Variants in GRID1 observed in about 807,000 individuals in gnomAD.
The protein encoded by GRID1 is glutamate receptor ionotropic, delta-1.
A neutral mutation model predicts 98.0 loss-of-function variants in GRID1; 28 were observed. The ratio of observed to expected loss-of-function variants is 0.29; its 90% CI spans 0.21 to 0.39. GRID1 has a LOEUF of 0.39. GRID1 is among the 10% of genes least tolerant of loss of function. The pLI, the probability that GRID1 is intolerant of heterozygous loss-of-function variation, is 1.00. For missense variants in GRID1, 1,111 were observed against 1,340.5 expected (o/e 0.83, Z 2.67); for synonymous variants, 553 against 538.5 (o/e 1.03, Z -0.37).
chr10:86,056,405 G>A (rs1843573198), intron 4 of GRID1, among the ~76,000 whole-genome samples: 1 of 152,198 alleles, frequency 6.6e-6, no homozygotes, highest in South Asian at 2.1e-4. Context: ...TTTTCCAGGT[G>A]TAATAAGAAC....
chr10:85,716,185 C>T (rs184277838), intron 12 of GRID1, among the ~76,000 whole-genome samples: 5 of 152,230 alleles, frequency 3.3e-5, no homozygotes, highest in East Asian at 3.9e-4. Context: ...CGATTACAGG[C>T]GTGAGACACT....
At chr10:86,262,593 T>A (rs1323331507) in intron 2 of GRID1, among the ~76,000 whole-genome samples, 1 of 152,196 alleles carries the variant, frequency 6.6e-6, no homozygotes. Context: ...GTTCTCTTAT[T>A]ACGTGCTCTG....
At chr10:86,313,686 T>C (rs561689208) in intron 2 of GRID1, among the ~76,000 whole-genome samples, 1 of 152,228 alleles carries the variant, frequency 6.6e-6, no homozygotes, top group South Asian at 2.1e-4. Context: ...AAAACCTCAA[T>C]GTCAAAGCCC....
intron 5 of GRID1, among the ~76,000 whole-genome samples, chr10:85,890,437 A>C (rs1841183805): frequency 6.6e-6 from 1 of 152,158 alleles, no homozygotes; most frequent in Non-Finnish European, 1.5e-5. Context: ...GTGTCAATTT[A>C]AAAAAAGAAA....
At chr10:85,726,929 G>T (rs1467966070) in intron 10 of GRID1, among the ~76,000 whole-genome samples, 1 of 152,200 alleles carries the variant, frequency 6.6e-6, no homozygotes, top group Non-Finnish European at 1.5e-5. Flanking sequence ...ATTTATCACA[G>T]TAAAGGTGTT....
intron 13 of GRID1, among the ~76,000 whole-genome samples, chr10:85,629,383 C>G (rs574477973): frequency 6.6e-6 from 1 of 151,786 alleles, no homozygotes; most frequent in East Asian, 1.9e-4. Context: ...ACCCCCATCC[C>G]ACCCTCCCAC....
chr10:85,867,491 A>G (rs1237182513), intron 6 of GRID1, among the ~76,000 whole-genome samples: 1 of 151,824 alleles, frequency 6.6e-6, no homozygotes, highest in Non-Finnish European at 1.5e-5. Flanking sequence ...ATGGGCACAC[A>G]CTCCCTGAGC....
At chr10:85,798,382 T>C (rs533329146) in intron 8 of GRID1, among the ~76,000 whole-genome samples, 39 of 152,336 alleles carry the variant, frequency 2.6e-4, no homozygotes, top group African/African-American at 9.1e-4. Context: ...AGAGAATATA[T>C]AGACAGTAGT....
chr10:85,841,612 T>C (rs1220729888), intron 8 of GRID1, among the ~76,000 whole-genome samples: 2 of 152,098 alleles, frequency 1.3e-5, no homozygotes, highest in African/African-American at 4.8e-5. Context: ...ATTTAGTATC[T>C]ATAAGGAACT....
chr10:86,159,475 C>T (rs1845290098), intron 3 of GRID1, among the ~76,000 whole-genome samples: 1 of 152,164 alleles, frequency 6.6e-6, no homozygotes, highest in South Asian at 2.1e-4. Context: ...ACATGCTGTG[C>T]AGGTTTGTAG....
At chr10:86,045,065 A>C (rs1843403189) in intron 4 of GRID1, among the ~76,000 whole-genome samples, 1 of 152,240 alleles carries the variant, frequency 6.6e-6, no homozygotes, top group Admixed American at 6.5e-5. Context: ...ATTTAGGGGA[A>C]ATTGTTCATA....
intron 15 of GRID1, among the ~76,000 whole-genome samples, chr10:85,603,256 G>T (rs1842608227): frequency 6.6e-6 from 1 of 152,240 alleles, no homozygotes; most frequent in Non-Finnish European, 1.5e-5. Context: ...GAGAAGCCCT[G>T]CCTCACCCAG....
intron 3 of GRID1, among the ~76,000 whole-genome samples, chr10:86,143,316 C>T (rs1589386332): frequency 6.6e-6 from 1 of 152,190 alleles, no homozygotes; most frequent in African/African-American, 2.4e-5. Context: ...AATGGGGCCA[C>T]GGAACCCCAC....
intron 4 of GRID1, among the ~76,000 whole-genome samples, chr10:86,032,385 G>A (rs181628860): frequency 1.3e-5 from 2 of 152,182 alleles, no homozygotes; most frequent in Non-Finnish European, 2.9e-5. Flanking sequence ...CGAGTGTAAG[G>A]GGGGGAAGTG....
chr10:86,063,188 A>T (rs1449218672), intron 4 of GRID1, among the ~76,000 whole-genome samples: 3 of 152,240 alleles, frequency 2.0e-5, no homozygotes. Flanking sequence ...ACACTTATCA[A>T]AAGCAAGGAG....
chr10:85,847,546 A>G (rs1375559342), intron 8 of GRID1, among the ~76,000 whole-genome samples: 1 of 152,234 alleles, frequency 6.6e-6, no homozygotes, highest in Non-Finnish European at 1.5e-5. Flanking sequence ...CAATGAGGAG[A>G]TATGCAAATT....
At chr10:85,856,881 G>A (rs974563441) in intron 6 of GRID1, among the ~76,000 whole-genome samples, 3 of 152,228 alleles carry the variant, frequency 2.0e-5, no homozygotes, top group Admixed American at 1.3e-4. Context: ...AATACAGAGG[G>A]AGCAGGATCA....
chr10:86,364,831 C>T (rs1041722184), intron 1 of GRID1, among the ~76,000 whole-genome samples: 1 of 152,270 alleles, frequency 6.6e-6, no homozygotes, highest in Non-Finnish European at 1.5e-5. Flanking sequence ...CCAGAAGGAG[C>T]TGCTCTTGAA....
intron 4 of GRID1, among the ~76,000 whole-genome samples, chr10:86,073,511 C>T (rs1843834156): frequency 6.6e-6 from 1 of 152,192 alleles, no homozygotes; most frequent in Admixed American, 6.5e-5. Context: ...GTTATGCAGC[C>T]TGGAAACAGG....
Sources: gnomAD v4.1 joint callset for allele counts (sites outside exome capture counted in the v4.1 genomes callset) on GRCh38, gnomAD v4.1.1 for gene constraint, MANE v1.5 for transcripts, NCBI Gene and HGNC (gene_info 2026-07-23, HGNC 2026-07-21) for gene names.